Variants in C12orf50 observed in about 807,000 individuals in gnomAD.
The protein encoded by C12orf50 is uncharacterized protein C12orf50.
C12orf50 carries 35 observed loss-of-function variants against 61.6 expected under a neutral mutation model. That is an observed-to-expected ratio of 0.57 (90% CI 0.43 to 0.75). C12orf50 has a LOEUF of 0.75. C12orf50 is among the 30% of genes least tolerant of loss of function. The pLI is 0.00. For missense variants in C12orf50, 475 were observed against 488.5 expected, an observed-to-expected ratio of 0.97 and a Z score of 0.26; for synonymous variants, 178 against 161.5, an observed-to-expected ratio of 1.10 and a Z score of -0.77.
intron 3 of C12orf50, among the ~76,000 whole-genome samples, chr12:87,998,854 T>C (rs1005290700): frequency 6.6e-6 from 1 of 152,136 alleles, no homozygotes; most frequent in Non-Finnish European, 1.5e-5. Context: ...GACCATTCAA[T>C]GGGGGAAAAA....
chr12:87,980,752 C>T (rs184695009), intron 12 of C12orf50, among the ~76,000 whole-genome samples: 1 of 152,222 alleles, frequency 6.6e-6, no homozygotes, highest in African/African-American at 2.4e-5. Flanking sequence ...AGCTTCTGCC[C>T]CTAATTCCCA....
At chr12:88,011,747 G>A (rs892246176) in intron 3 of C12orf50, among the ~76,000 whole-genome samples, 4 of 152,164 alleles carry the variant, frequency 2.6e-5, no homozygotes, top group Non-Finnish European at 5.9e-5. Flanking sequence ...AGTACATAGA[G>A]AAGGACACCT....
intron 3 of C12orf50, among the ~76,000 whole-genome samples, chr12:88,005,903 G>GT (rs2031848102): frequency 2.3e-5 from 3 of 128,144 alleles, no homozygotes; most frequent in Non-Finnish European, 5.0e-5. Flanking sequence ...ATGTTTTTTT[G>GT]TTTTTTTGGT....
chr12:88,009,153 A>C (rs1348788392), intron 3 of C12orf50, among the ~76,000 whole-genome samples: 2 of 152,090 alleles, frequency 1.3e-5, no homozygotes, highest in African/African-American at 4.8e-5. Context: ...GGATTTCTCT[A>C]GGATATATGC....
chr12:87,985,515 C>A, intron 11 of C12orf50: 1 of 265,370 alleles, frequency 3.8e-6, no homozygotes, highest in South Asian at 7.8e-5. Context: ...TTGAACAATG[C>A]AGTTAGTGGA....
intron 3 of C12orf50, among the ~76,000 whole-genome samples, chr12:88,020,862 A>G (rs1342537205): frequency 1.3e-5 from 2 of 152,116 alleles, no homozygotes; most frequent in Non-Finnish European, 2.9e-5. Flanking sequence ...CACAATAAAT[A>G]TAGGAATCAA....
rs776851924 is a variant in C12orf50, at chr12:87,983,150, C to T, written c.1172G>A (p.Arg391Gln). 1.0e-5 allele frequency: 16 copies of T among 1,605,148 alleles called. No individual in the cohort carries two copies. Among genetic ancestry groups the T allele is most frequent in the Admixed American group, 3.4e-5 (2 of 59,410 alleles). Reference protein sequence around the residue: ...TSYNDSAWRKRIPFSKTYSKS... With the variant: ...TSYNDSAWRKQIPFSKTYSKS... ...TGAATATGTTTTTGAAAAAGGAATT[C>T]GTTTTCGCCAGGCTGAATCATTATA... Residue 391 changes from arginine to glutamine, a missense_variant, in exon 12 of 13, where the codon CGA becomes CAA. By Grantham distance (43) the Arg-to-Gln change is conservative. Transcript: ENST00000298699.
intron 8 of C12orf50, 79 bp downstream of exon 8, chr12:87,989,185 G>T: frequency 4.1e-6 from 4 of 976,036 alleles, no homozygotes; most frequent in South Asian, 1.5e-5. Flanking sequence ...TTCCTCTATT[G>T]GTTTTTATAA....
intron 7 of C12orf50, 82 bp from the exon 8 acceptor site, chr12:87,989,453 A>G (rs1290463827): frequency 2.2e-6 from 2 of 929,216 alleles, no homozygotes; most frequent in Non-Finnish European, 3.4e-6. Flanking sequence ...ATTTTCTACA[A>G]TACCCCTTTT....
chr12:87,985,696 C>T, intron 11 of C12orf50, 154 bp downstream of exon 11: 3 of 721,022 alleles, frequency 4.2e-6, no homozygotes, highest in Non-Finnish European at 7.1e-6. Flanking sequence ...CAGGACTGCA[C>T]ATGGAAGAAA....
chr12:88,018,626 A>T (rs1024958828), intron 3 of C12orf50, among the ~76,000 whole-genome samples: 15 of 152,198 alleles, frequency 9.9e-5, no homozygotes, highest in African/African-American at 3.6e-4. Context: ...AGCCACAGAC[A>T]CTTAACACCA....
chr12:87,985,395 G>A (rs538605598), intron 11 of C12orf50: 1 of 169,358 alleles, frequency 5.9e-6, no homozygotes, highest in South Asian at 1.7e-4. Context: ...TCCATGGTGA[G>A]AGAGATGAGA....
At chr12:88,028,574 T>C (rs2032789346) in intron 1 of C12orf50, among the ~76,000 whole-genome samples, 1 of 152,170 alleles carries the variant, frequency 6.6e-6, no homozygotes, top group South Asian at 2.1e-4. Context: ...TATTTAAATA[T>C]TTGTTATTAC....
intron 7 of C12orf50, among the ~76,000 whole-genome samples, chr12:87,989,713 AAAGCAGTTT>A (rs144953864): frequency 3.5e-4 from 53 of 152,248 alleles, no homozygotes; most frequent in African/African-American, 1.2e-3. Flanking sequence ...CAGATATATT[AAAGCAGTTT>A]CCATATTTCC....
chr12:88,003,169 A>T (rs746075699), intron 3 of C12orf50, among the ~76,000 whole-genome samples: 2 of 151,708 alleles, frequency 1.3e-5, no homozygotes, highest in African/African-American at 2.4e-5. Context: ...AATTCTCATC[A>T]TTTGTTCCTA....
chr12:87,985,080 T>G (rs1171995426), intron 11 of C12orf50: 1 of 151,838 alleles, frequency 6.6e-6, no homozygotes, highest in Non-Finnish European at 1.5e-5. Context: ...TTTAAAAAAT[T>G]TATTAAATTA....
At chr12:87,988,750 G>A (rs970412686) in intron 8 of C12orf50, among the ~76,000 whole-genome samples, 1 of 152,152 alleles carries the variant, frequency 6.6e-6, no homozygotes, top group African/African-American at 2.4e-5. Flanking sequence ...CAGGACAGCT[G>A]TACTTTTAGT....
At chr12:88,023,616 G>A (rs556315791) in intron 3 of C12orf50, among the ~76,000 whole-genome samples, 111 of 150,622 alleles carry the variant, frequency 7.4e-4, no homozygotes, top group Non-Finnish European at 1.3e-3. Flanking sequence ...TGTAGTGGGC[G>A]GAGATCACAC....
intron 4 of C12orf50, 49 bp from the exon 5 acceptor site, chr12:87,996,695 C>T: frequency 7.1e-7 from 1 of 1,407,374 alleles, no homozygotes; most frequent in Non-Finnish European, 9.8e-7. Flanking sequence ...GCCAATTAAT[C>T]TGAAAATTTA....
Sources: allele counts gnomAD v4.1 joint callset (sites outside exome capture counted in the v4.1 genomes callset), GRCh38; gene constraint gnomAD v4.1.1; transcripts MANE v1.5; gene names NCBI Gene and HGNC (gene_info 2026-07-23, HGNC 2026-07-21).